LRRC4C: variants seen among roughly 807,000 people sequenced by gnomAD.
LRRC4C encodes leucine rich repeat containing 4C, also known as leucine-rich repeat-containing protein 4C.
In LRRC4C, 5 loss-of-function variants were observed where a neutral mutation model predicts 33.6. That is an observed-to-expected ratio of 0.15 (90% CI 0.08 to 0.31). LRRC4C has a LOEUF of 0.31. Ranked by LOEUF, LRRC4C falls within the 10% of genes least tolerant of loss-of-function variation. The pLI is 1.00. For missense variants in LRRC4C, 560 were observed against 796.7 expected (o/e 0.70, Z 3.58); for synonymous variants, 329 against 302.0 (o/e 1.09, Z -0.93).
intron 4 of LRRC4C, among the ~76,000 whole-genome samples, chr11:40,279,478 C>A (rs1696746659): frequency 6.6e-6 from 1 of 152,142 alleles, no homozygotes; most frequent in South Asian, 2.1e-4. Flanking sequence ...TAACACCTTT[C>A]TTCTGGAGGC....
intron 5 of LRRC4C, among the ~76,000 whole-genome samples, chr11:40,200,478 T>A (rs1862635911): frequency 6.6e-6 from 1 of 152,004 alleles, no homozygotes; most frequent in Non-Finnish European, 1.5e-5. Context: ...ATTCTCTGAC[T>A]TTCCCCAACC....
rs1565270830 is a variant in LRRC4C, at chr11:40,984,389, AAGAAAGAAAGAAAGAAAGAAAGAAAG to A, written c.-495-50692_-495-50667del. The stretch of plus-strand genomic sequence containing the variant: ...AAAGAAAGAAAGAAAGAAAGAAAGA[AAGAAAGAAAGAAAGAAAGAAAGAAAG>A]AGAAAGAAAGAAAGAGAAAAAGAAA... On this transcript the variant is annotated intron_variant, in intron 1 of 6. Transcript: ENST00000528697. 7.4e-3 allele frequency among the ~76,000 whole-genome samples: 633 copies of A among 85,714 alleles called. 9 individuals are homozygous for A. The highest frequency in any genetic ancestry group is 0.059 in the East Asian group (240 of 4,062). 56.2% of individuals were successfully genotyped at this position (85,714 alleles called of 152,430 possible). A position where few individuals can be genotyped will look rare whatever the true frequency, so the allele number is the denominator to read the frequency against.
At chr11:41,288,537 C>G (rs943420742) in intron 1 of LRRC4C, among the ~76,000 whole-genome samples, 7 of 152,152 alleles carry the variant, frequency 4.6e-5, no homozygotes, top group Admixed American at 2.0e-4. Context: ...AAAGTACTCT[C>G]TACCCCAGAA....
intron 1 of LRRC4C, among the ~76,000 whole-genome samples, chr11:41,433,801 ATGTGTG>A (rs3040493): frequency 1.3e-5 from 2 of 149,370 alleles, no homozygotes; most frequent in South Asian, 2.1e-4. Flanking sequence ...TCCCATATAT[ATGTGTG>A]TGTGTGTGTG....
intron 1 of LRRC4C, among the ~76,000 whole-genome samples, chr11:41,164,990 C>T (rs1286416155): frequency 6.6e-6 from 1 of 152,100 alleles, no homozygotes; most frequent in African/African-American, 2.4e-5. Flanking sequence ...AAAGAACCTG[C>T]TCTCCATTAT....
At chr11:40,823,520 A>G (rs2135485375) in intron 2 of LRRC4C, among the ~76,000 whole-genome samples, 1 of 151,906 alleles carries the variant, frequency 6.6e-6, no homozygotes, top group African/African-American at 2.4e-5. Context: ...AAAGGTGAAT[A>G]ATTATAAAAT....
chr11:40,482,659 G>T (rs903096506), intron 3 of LRRC4C, among the ~76,000 whole-genome samples: 1 of 151,960 alleles, frequency 6.6e-6, no homozygotes, highest in South Asian at 2.1e-4. Context: ...TTGTAGAGAT[G>T]GGGTTTTGCT....
rs1445978884 is a variant in LRRC4C, at chr11:41,304,258, T to C, written c.-496+155173A>G. Reference sequence around the variant, plus strand: ...CCTCCGCCCAGCCAGCTGCCCCGTCTGGGAGGTGAGGGGCGCCTCTGCCCG... The same window carrying C: ...CCTCCGCCCAGCCAGCTGCCCCGTCCGGGAGGTGAGGGGCGCCTCTGCCCG... On this transcript the variant is annotated intron_variant, in intron 1 of 6. Coordinates refer to ENST00000528697, the MANE Select transcript of LRRC4C (RefSeq NM_001258419.2). Among the ~76,000 whole-genome samples the C allele has an allele frequency of 3.7e-4, 41 of 111,130 alleles. 1 individual carries two copies. The highest frequency in any genetic ancestry group is 1.2e-3 in the African/African-American group (34 of 27,820). The allele number at this position is 111,130 out of a possible 152,430, so 72.9% of individuals were successfully genotyped here.
chr11:41,250,733 T>A (rs1158671406), intron 1 of LRRC4C, among the ~76,000 whole-genome samples: 6 of 152,138 alleles, frequency 3.9e-5, no homozygotes, highest in Admixed American at 6.5e-5. Context: ...TAAAACCACC[T>A]CAAATTAATG....
intron 2 of LRRC4C, among the ~76,000 whole-genome samples, chr11:40,675,580 T>C (rs947174058): frequency 1.3e-5 from 2 of 152,130 alleles, no homozygotes; most frequent in African/African-American, 4.8e-5. Flanking sequence ...ACTTTTATAA[T>C]TTATCTTATA....
At chr11:40,897,485 A>G (rs1955996420) in intron 2 of LRRC4C, among the ~76,000 whole-genome samples, 1 of 152,182 alleles carries the variant, frequency 6.6e-6, no homozygotes, top group Non-Finnish European at 1.5e-5. Flanking sequence ...TCCCAATGAT[A>G]GTGGGGATTT....
intron 5 of LRRC4C, among the ~76,000 whole-genome samples, chr11:40,148,098 A>G (rs967422071): frequency 2.0e-5 from 3 of 152,052 alleles, no homozygotes; most frequent in Non-Finnish European, 4.4e-5. Flanking sequence ...TATGTACCAC[A>G]TTTTCTTTAT....
At chr11:40,520,506 A>C (rs1334515732) in intron 3 of LRRC4C, among the ~76,000 whole-genome samples, 1 of 152,168 alleles carries the variant, frequency 6.6e-6, no homozygotes, top group Admixed American at 6.6e-5. Context: ...GAAGAGGAAA[A>C]GATTGGGGAA....
intron 3 of LRRC4C, among the ~76,000 whole-genome samples, chr11:40,348,567 T>TCTG (rs1247547150): frequency 6.6e-6 from 1 of 152,116 alleles, no homozygotes; most frequent in African/African-American, 2.4e-5. Flanking sequence ...TATTTTCGCT[T>TCTG]GTAGTAGTTA....
chr11:40,933,897 G>A (rs199532770), intron 1 of LRRC4C, among the ~76,000 whole-genome samples, 174 bp from the exon 2 acceptor site: 88 of 152,242 alleles, frequency 5.8e-4, no homozygotes, highest in East Asian at 1.9e-3. Flanking sequence ...TGCCATGCTT[G>A]AGGCTTTTCC....
At chr11:41,433,111 G>C (rs1955300277) in intron 1 of LRRC4C, among the ~76,000 whole-genome samples, 1 of 151,996 alleles carries the variant, frequency 6.6e-6, no homozygotes, top group African/African-American at 2.4e-5. Flanking sequence ...AATCACAATA[G>C]CCCAAGAAGG....
intron 2 of LRRC4C, among the ~76,000 whole-genome samples, chr11:40,832,127 T>G (rs1205376648): frequency 6.6e-6 from 1 of 152,166 alleles, no homozygotes; most frequent in Non-Finnish European, 1.5e-5. Context: ...TATAACCTAC[T>G]GCTCCTAGGC....
intron 1 of LRRC4C, among the ~76,000 whole-genome samples, chr11:41,255,400 A>G (rs932222119): frequency 6.6e-6 from 1 of 152,062 alleles, no homozygotes; most frequent in African/African-American, 2.4e-5. Context: ...TAGAGATTTT[A>G]AAGGGAATGA....
In LRRC4C at chr11:41,008,509, A is replaced by T. The variant is rs562817334; in HGVS notation, c.-495-74786T>A. Reference sequence around the variant, plus strand: ...GCCCATACTGATTCCATCATGGTCCACTCACTCACACTTGTATTCTGCAGA... The same window carrying T: ...GCCCATACTGATTCCATCATGGTCCTCTCACTCACACTTGTATTCTGCAGA... On this transcript the variant is annotated intron_variant, in intron 1 of 6. Coordinates refer to ENST00000528697, the MANE Select transcript of LRRC4C (RefSeq NM_001258419.2). 3.3e-5 allele frequency among the ~76,000 whole-genome samples: 5 copies of T among 152,258 alleles called. No individual in the cohort carries two copies. In the South Asian group the frequency reaches 1.0e-3, roughly 32 times the overall value.
Sources: allele counts gnomAD v4.1 joint callset (sites outside exome capture counted in the v4.1 genomes callset), GRCh38; gene constraint gnomAD v4.1.1; transcripts MANE v1.5; gene names NCBI Gene and HGNC (gene_info 2026-07-23, HGNC 2026-07-21).